Variants in SNX29 observed in about 807,000 individuals in gnomAD.
SNX29 encodes sorting nexin-29.
A neutral mutation model predicts 102.1 loss-of-function variants in SNX29; 78 were observed. The observed-to-expected ratio is 0.76, with a 90% CI of 0.64 to 0.92. SNX29 has a LOEUF of 0.92. SNX29 is among the 40% of genes least tolerant of loss of function. The pLI, the probability that SNX29 is intolerant of heterozygous loss-of-function variation, is 0.00. For missense variants in SNX29, 1,280 were observed against 1,061.7 expected (o/e 1.21, Z -2.86); for synonymous variants, 580 against 414.5 (o/e 1.40, Z -4.85).
chr16:12,370,112 C>G (rs973520206), intron 16 of SNX29, among the ~76,000 whole-genome samples: 1 of 151,732 alleles, frequency 6.6e-6, no homozygotes, highest in Non-Finnish European at 1.5e-5. Flanking sequence ...ATCCCAGCTA[C>G]TCGGGAGGCT....
chr16:12,480,286 C>G (rs1478987473), intron 19 of SNX29, among the ~76,000 whole-genome samples: 1 of 152,192 alleles, frequency 6.6e-6, no homozygotes, highest in Non-Finnish European at 1.5e-5. Flanking sequence ...TCTGGAGCCC[C>G]AGGAGAGAGT....
intron 14 of SNX29, among the ~76,000 whole-genome samples, chr16:12,242,639 TTTC>T (rs2078144787): frequency 6.8e-6 from 1 of 147,842 alleles, no homozygotes; most frequent in Non-Finnish European, 1.5e-5. Flanking sequence ...CTCTTCTTCT[TTTC>T]TTCTTGTCTT....
chr16:12,400,852 T>C (rs112385856), intron 17 of SNX29, among the ~76,000 whole-genome samples: 5,421 of 152,258 alleles, frequency 0.036, 249 homozygotes, highest in African/African-American at 0.1. Flanking sequence ...AGACGGAGTC[T>C]TGCTCTGTCA....
intron 15 of SNX29, among the ~76,000 whole-genome samples, chr16:12,296,931 C>T (rs2080001185): frequency 6.6e-6 from 1 of 152,184 alleles, no homozygotes; most frequent in African/African-American, 2.4e-5. Context: ...GGGGGCTTTC[C>T]TGTGTGTAGT....
In SNX29 at chr16:12,128,808, A is replaced by T. The variant is rs567751089; in HGVS notation, c.1467-822A>T. On this transcript the variant is annotated intron_variant, in intron 12 of 20. Transcript: ENST00000566228. ...CAAGTGTCCTCTGGATTTAGTATGT[A>T]GATGTACCATGGTTGGTAATTGTTT... 6.0e-5 allele frequency among the ~76,000 whole-genome samples: 9 copies of T among 148,880 alleles called. No homozygotes were observed. In the East Asian group the frequency reaches 1.6e-3, roughly 27 times the overall value.
intron 15 of SNX29, 99 bp from the exon 16 acceptor site, chr16:12,356,064 T>G: frequency 9.3e-7 from 1 of 1,072,344 alleles, no homozygotes; most frequent in Non-Finnish European, 1.4e-6. Flanking sequence ...CTACAGATGT[T>G]TTGCTGACAG....
chr16:12,179,565 C>T (rs949182373), intron 13 of SNX29, among the ~76,000 whole-genome samples: 4 of 152,214 alleles, frequency 2.6e-5, no homozygotes, highest in South Asian at 2.1e-4. Flanking sequence ...TTACCTGAGC[C>T]TATGGCCAGT....
intron 15 of SNX29, among the ~76,000 whole-genome samples, chr16:12,290,890 G>A (rs780747405): frequency 3.9e-5 from 6 of 152,280 alleles, no homozygotes; most frequent in Admixed American, 2.6e-4. Context: ...AAATGATACT[G>A]ACCTGGATCC....
chr16:12,397,519 A>G (rs916623953), intron 16 of SNX29, among the ~76,000 whole-genome samples: 35 of 152,214 alleles, frequency 2.3e-4, no homozygotes, highest in Admixed American at 2.3e-3. Flanking sequence ...AAAGGTGTAA[A>G]TTCAGTGTTC....
At chr16:12,561,995 G>A (rs1465552513) in intron 20 of SNX29, among the ~76,000 whole-genome samples, 7 of 152,182 alleles carry the variant, frequency 4.6e-5, no homozygotes, top group Non-Finnish European at 8.8e-5. Context: ...TGGTGACAAT[G>A]GACCCTGCAA....
intron 20 of SNX29, chr16:12,546,762 C>G (rs1185617846): frequency 3.4e-5 from 4 of 117,418 alleles, no homozygotes; most frequent in African/African-American, 7.8e-5. Flanking sequence ...ATTTAAACAG[C>G]TACCTTCCAT....
At chr16:12,083,316 A>AAAC (rs1555457017) in intron 11 of SNX29, among the ~76,000 whole-genome samples, 1 of 151,740 alleles carries the variant, frequency 6.6e-6, no homozygotes, top group African/African-American at 2.4e-5. Flanking sequence ...AAAAAAAAAA[A>AAAC]AAACCCCTCA....
chr16:12,131,824 G>C lies in SNX29; in HGVS notation c.1595+2066G>C, dbSNP rs78598664. Among the ~76,000 whole-genome samples, 436 of 152,318 alleles carry C rather than the reference G, an allele frequency of 2.9e-3. 2 individuals are homozygous for C. Among genetic ancestry groups the C allele is most frequent in the African/African-American group, 9.9e-3 (412 of 41,584 alleles). On this transcript the variant is annotated intron_variant, in intron 13 of 20. Coordinates refer to ENST00000566228, the MANE Select transcript of SNX29 (RefSeq NM_032167.5). ...AATTGTTTTGTATGTCTTATTGAAT[G>C]TTGGCGCTATGATCCTATGTTGGAT...
chr16:12,169,849 G>C lies in SNX29; in HGVS notation c.1596-29752G>C, dbSNP rs867066997. 9.2e-5 allele frequency among the ~76,000 whole-genome samples: 14 copies of C among 152,054 alleles called. No individual in the cohort carries two copies. In the South Asian group the frequency reaches 1.5e-3, roughly 16 times the overall value. ...TGCACTCCAGCCTGGGGACCATCCA[G>C]GGTTCAACAGCCGCCTCCTGGGTTC... On this transcript the variant is annotated intron_variant, in intron 13 of 20. Coordinates refer to ENST00000566228, the MANE Select transcript of SNX29 (RefSeq NM_032167.5).
chr16:12,308,201 C>T (rs1014493139), intron 15 of SNX29, among the ~76,000 whole-genome samples: 13 of 152,210 alleles, frequency 8.5e-5, no homozygotes, highest in African/African-American at 1.2e-4. Context: ...TGCTGACACC[C>T]GGCAGGCAGG....
intron 19 of SNX29, among the ~76,000 whole-genome samples, chr16:12,494,578 C>G (rs756979239): frequency 1.3e-5 from 2 of 152,174 alleles, no homozygotes; most frequent in Non-Finnish European, 2.9e-5. Flanking sequence ...AGTACAGGGC[C>G]CAATCTCACT....
intron 18 of SNX29, among the ~76,000 whole-genome samples, chr16:12,462,157 C>T (rs546355811): frequency 6.6e-6 from 1 of 151,278 alleles, no homozygotes; most frequent in South Asian, 2.1e-4. Flanking sequence ...GATCTCTTGC[C>T]ATAGGTCTAG....
chr16:12,054,888 G>A (rs1174307326), intron 8 of SNX29, among the ~76,000 whole-genome samples: 1 of 152,194 alleles, frequency 6.6e-6, no homozygotes, highest in Non-Finnish European at 1.5e-5. Flanking sequence ...TATTTATGCT[G>A]ATGGTTTTTG....
chr16:12,539,018 C>A (rs1022952844), intron 20 of SNX29, among the ~76,000 whole-genome samples: 1 of 152,158 alleles, frequency 6.6e-6, no homozygotes, highest in Non-Finnish European at 1.5e-5. Context: ...CCAAAACCAT[C>A]CATGAATCCA....
Sources: gnomAD v4.1 joint callset for allele counts (sites outside exome capture counted in the v4.1 genomes callset) on GRCh38, gnomAD v4.1.1 for gene constraint, MANE v1.5 for transcripts, NCBI Gene and HGNC (gene_info 2026-07-23, HGNC 2026-07-21) for gene names.